The following SCTR variants were observed in gnomAD, a reference collection of about 807,000 sequenced individuals.
The protein encoded by SCTR is pancreatic secretin receptor.
A neutral mutation model predicts 60.8 loss-of-function variants in SCTR; 56 were observed. The observed-to-expected ratio is 0.92, with a 90% CI of 0.74 to 1.15. The LOEUF is 1.15. SCTR is among the 50% of genes most tolerant of loss of function. SCTR has a pLI of 0.00. For synonymous variants in SCTR, 202 were observed against 217.0 expected, an observed-to-expected ratio of 0.93 and a Z score of 0.61; for missense variants, 562 against 550.4, an observed-to-expected ratio of 1.02 and a Z score of -0.21.
At chr2:119,503,552 CTA>C (rs1678628133) in intron 1 of SCTR, among the ~76,000 whole-genome samples, 1 of 151,954 alleles carries the variant, frequency 6.6e-6, no homozygotes, top group Non-Finnish European at 1.5e-5. Context: ...AAATTACATA[CTA>C]TATAATCTCA....
chr2:119,451,843 G>A (rs1244067224), intron 9 of SCTR, among the ~76,000 whole-genome samples, 167 bp downstream of exon 9: 1 of 152,166 alleles, frequency 6.6e-6, no homozygotes, highest in African/African-American at 2.4e-5. Context: ...ATTCTGCAGG[G>A]GGCAGAGCTT....
intron 1 of SCTR, chr2:119,495,617 T>C (rs972216784): frequency 2.0e-5 from 3 of 152,250 alleles, no homozygotes; most frequent in Admixed American, 1.3e-4. Context: ...GGTAGCACTA[T>C]GGTCAAATGG....
In SCTR at chr2:119,494,409, G is replaced by A. The variant is rs745810112; in HGVS notation, c.193+19C>T. 9.9e-6 allele frequency: 16 copies of A among 1,612,254 alleles called. No individual in the cohort carries two copies. The highest frequency in any genetic ancestry group is 1.7e-4 in the Middle Eastern group (1 of 5,998). On this transcript the variant is annotated intron_variant, in intron 2 of 12. Coordinates refer to ENST00000019103, the MANE Select transcript of SCTR (RefSeq NM_002980.3). ...GCTCCACCCCCAAGAGAGGACATGG[G>A]CTGTGGCAAGCCTCATACCTGGCAC...
chr2:119,509,090 T>C (rs553551157), intron 1 of SCTR, among the ~76,000 whole-genome samples: 1 of 152,318 alleles, frequency 6.6e-6, no homozygotes, highest in South Asian at 2.1e-4. Flanking sequence ...GCCTTGGCCG[T>C]GTGACCATGG....
chr2:119,463,771 C>T (rs1191578169), intron 6 of SCTR, among the ~76,000 whole-genome samples: 3 of 152,286 alleles, frequency 2.0e-5, no homozygotes, highest in East Asian at 3.9e-4. Flanking sequence ...GACCAACCCC[C>T]ACCCTCTCCA....
rs1202587319 is a variant in SCTR, at chr2:119,473,479, C to T, written c.379G>A (p.Val127Met). ...PRPNLACGVN[V>M]NDSSNEKRHS... ...CGCTTCTCGTTGGAAGAGTCGTTCA[C>T]ATTAACGCCACAGGCCAGATTAGGC... Residue 127 changes from valine (V) to methionine (M), a missense_variant, in exon 4 of 13, where the codon GTG becomes ATG. Physicochemically the swap from Val to Met is conservative, Grantham distance 21 (BLOSUM62 1). Coordinates refer to ENST00000019103, the MANE Select transcript of SCTR (RefSeq NM_002980.3). The T allele has an allele frequency of 5.0e-6, 8 of 1,613,342 alleles. No individual in the cohort carries two copies. The highest frequency in any genetic ancestry group is 5.9e-6 in the Non-Finnish European group (7 of 1,179,414).
At chr2:119,453,462 T>C in intron 7 of SCTR, 115 bp from the exon 8 acceptor site, 1 of 797,242 alleles carries the variant, frequency 1.3e-6, no homozygotes, top group Non-Finnish European at 2.1e-6. Context: ...TGCCAAGATT[T>C]GGTTTCCACA....
chr2:119,489,359 C>T (rs1442363070), intron 2 of SCTR, among the ~76,000 whole-genome samples: 4 of 152,174 alleles, frequency 2.6e-5, no homozygotes, highest in Non-Finnish European at 5.9e-5. Context: ...TTTGTTTTAT[C>T]CTTTCTCCCT....
intron 7 of SCTR, among the ~76,000 whole-genome samples, chr2:119,454,538 G>A (rs929907728): frequency 2.6e-5 from 4 of 152,132 alleles, no homozygotes; most frequent in African/African-American, 7.2e-5. Context: ...ACCATATTTT[G>A]AAGACTTGGT....
chr2:119,505,967 C>T (rs1289085926), intron 1 of SCTR, among the ~76,000 whole-genome samples: 1 of 152,174 alleles, frequency 6.6e-6, no homozygotes, highest in Non-Finnish European at 1.5e-5. Context: ...TATGGTATCA[C>T]TCCATATCTA....
At chr2:119,445,957 C>T (rs547748712) in intron 11 of SCTR, among the ~76,000 whole-genome samples, 58 of 152,192 alleles carry the variant, frequency 3.8e-4, no homozygotes, top group African/African-American at 1.4e-3. Context: ...TTCCCAAAAG[C>T]GACATTGCAT....
At chr2:119,520,926 G>T (rs1002893236) in intron 1 of SCTR, among the ~76,000 whole-genome samples, 1 of 152,116 alleles carries the variant, frequency 6.6e-6, no homozygotes, top group African/African-American at 2.4e-5. Flanking sequence ...CTCAAGCAGG[G>T]GCGATTTTGC....
intron 11 of SCTR, among the ~76,000 whole-genome samples, chr2:119,444,232 C>G (rs923116543): frequency 1.4e-5 from 2 of 140,998 alleles, no homozygotes; most frequent in Non-Finnish European, 3.0e-5. Flanking sequence ...TACACATATA[C>G]ATATGAATAT....
chr2:119,478,173 T>C (rs1677420673), intron 3 of SCTR, among the ~76,000 whole-genome samples: 1 of 152,238 alleles, frequency 6.6e-6, no homozygotes, highest in Non-Finnish European at 1.5e-5. Flanking sequence ...GTCCCTGTTA[T>C]TATTACTCTT....
intron 1 of SCTR, among the ~76,000 whole-genome samples, chr2:119,500,875 T>C (rs1484774123): frequency 1.3e-5 from 2 of 152,156 alleles, no homozygotes; most frequent in African/African-American, 4.8e-5. Context: ...TAGAAGACAA[T>C]AATTTCAATA....
chr2:119,503,514 G>A (rs1229632931), intron 1 of SCTR, among the ~76,000 whole-genome samples: 2 of 152,126 alleles, frequency 1.3e-5, no homozygotes, highest in African/African-American at 4.8e-5. Context: ...CCAGTCTGGG[G>A]GACAGAGTGA....
chr2:119,470,248 T>A (rs2250336), intron 4 of SCTR, among the ~76,000 whole-genome samples: 105,149 of 152,048 alleles, frequency 0.69, 39,560 homozygotes, highest in East Asian at 0.87. Context: ...AATAATATAG[T>A]GGTGTATACC....
intron 7 of SCTR, among the ~76,000 whole-genome samples, chr2:119,454,873 A>C (rs1287819934): frequency 6.6e-6 from 1 of 152,050 alleles, no homozygotes; most frequent in Non-Finnish European, 1.5e-5. Flanking sequence ...AAAAATGTAA[A>C]ATATGTCATT....
intron 5 of SCTR, among the ~76,000 whole-genome samples, chr2:119,465,159 C>G (rs1683778541): frequency 6.6e-6 from 1 of 152,194 alleles, no homozygotes; most frequent in African/African-American, 2.4e-5. Flanking sequence ...GGCATGTGAC[C>G]TAAGCCCGGC....
Sources: allele counts gnomAD v4.1 joint callset (sites outside exome capture counted in the v4.1 genomes callset), GRCh38; gene constraint gnomAD v4.1.1; transcripts MANE v1.5; gene names NCBI Gene and HGNC (gene_info 2026-07-23, HGNC 2026-07-21).